TMED8: variants seen among roughly 807,000 people sequenced by gnomAD.
TMED8 encodes transmembrane p24 trafficking protein family member 8, also known as protein TMED8.
In TMED8, 15 loss-of-function variants were observed where a neutral mutation model predicts 32.7. The ratio of observed to expected loss-of-function variants is 0.46; its 90% CI spans 0.31 to 0.71. The LOEUF is 0.71. Among genes scored for constraint, TMED8 ranks in the 30% least tolerant of loss-of-function variants. The probability of loss-of-function intolerance (pLI) is 0.06; values close to 1 mark genes in which losing one functional copy is unlikely to be tolerated. For synonymous variants in TMED8, 147 were observed against 161.4 expected (o/e 0.91, Z 0.68); for missense variants, 390 against 423.9 (o/e 0.92, Z 0.70).
intron 3 of TMED8, among the ~76,000 whole-genome samples, chr14:77,345,691 C>A (rs1156994722): frequency 6.8e-6 from 1 of 147,200 alleles, no homozygotes; most frequent in African/African-American, 2.5e-5. Context: ...AAATCAAGGC[C>A]AGGCACAGTG....
intron 1 of TMED8, among the ~76,000 whole-genome samples, chr14:77,372,101 G>A (rs78185183): frequency 0.028 from 4,313 of 152,184 alleles, 206 homozygotes; most frequent in African/African-American, 0.099. Context: ...CTCAGTGGCC[G>A]AAATCTCGGA....
chr14:77,344,514 T>C (rs1892982725), intron 3 of TMED8, among the ~76,000 whole-genome samples: 1 of 152,242 alleles, frequency 6.6e-6, no homozygotes, highest in Non-Finnish European at 1.5e-5. Flanking sequence ...GCAAATGGCA[T>C]TTGATACTCA....
At position 77,343,698 on chromosome 14, in the gene TMED8, T is replaced by G; in HGVS notation, c.453A>C (p.Lys151Asn). ...ESADLLGDHR[K>N]VSPPLMAPPC... ...CTCCTTTACTCCCAAAGGTCTCACC[T>G]TTCCTGTGGTCCCCCAGAAGATCTG... The change falls in exon 4 of 6, where the codon AAA becomes AAC. Residue 151 changes from lysine to asparagine, a missense_variant and splice_region_variant. Coordinates refer to ENST00000216468, the MANE Select transcript of TMED8 (RefSeq NM_213601.3). 6.2e-7 allele frequency: 1 copy of G among 1,614,178 alleles called. No homozygotes were observed. Among genetic ancestry groups the G allele is most frequent in the Non-Finnish European group, 8.5e-7 (1 of 1,180,016 alleles).
chr14:77,368,291 G>A (rs560086363), intron 1 of TMED8, among the ~76,000 whole-genome samples: 13 of 152,180 alleles, frequency 8.5e-5, no homozygotes, highest in African/African-American at 2.9e-4. Flanking sequence ...CATTACTCTG[G>A]ACCTTCTCTG....
rs1209442383 is a variant in TMED8 at position 77,337,107 on chromosome 14, T to G, written c.*4664A>C. The G allele has an allele frequency of 6.6e-6, 1 of 152,234 alleles. No individual in the cohort carries two copies. Among genetic ancestry groups the G allele is most frequent in the East Asian group, 1.9e-4 (1 of 5,196 alleles). 9.4% of individuals were successfully genotyped at this position (152,234 alleles called of 1,614,324 possible). A position where few individuals can be genotyped will look rare whatever the true frequency, so the allele number is the denominator to read the frequency against. On this transcript the variant is annotated 3_prime_UTR_variant, in exon 6 of 6. Transcript: ENST00000216468. Reference sequence around the variant, plus strand: ...TAACAAAAATATTTTTTAAAGTGCATGTATCAATTCATTAAGAAAAAAATA... The same window carrying G: ...TAACAAAAATATTTTTTAAAGTGCAGGTATCAATTCATTAAGAAAAAAATA...
chr14:77,345,646 G>A lies in TMED8; in HGVS notation c.327+703C>T, dbSNP rs139215730. On this transcript the variant is annotated intron_variant, in intron 3 of 5. Coordinates refer to ENST00000216468, the MANE Select transcript of TMED8 (RefSeq NM_213601.3). ...TCGCACTGAAGCCGGGTGACAGAGTGAGACCTTTGTCTCAAAAAAAAAAAA... is the reference window on the plus strand; with the variant it reads ...TCGCACTGAAGCCGGGTGACAGAGTAAGACCTTTGTCTCAAAAAAAAAAAA... Among the ~76,000 whole-genome samples, 263 of 131,902 alleles carry A rather than the reference G, an allele frequency of 2.0e-3. 1 individual carries two copies. Among genetic ancestry groups the A allele is most frequent in the Middle Eastern group, 4.0e-3 (1 of 248 alleles). 86.5% of individuals were successfully genotyped at this position (131,902 alleles called of 152,430 possible).
intron 1 of TMED8, among the ~76,000 whole-genome samples, chr14:77,363,466 T>C (rs994096922): frequency 6.6e-6 from 1 of 152,022 alleles, no homozygotes; most frequent in Non-Finnish European, 1.5e-5. Context: ...GCAAAAGCAG[T>C]TCTAAGAAGA....
In TMED8 at chr14:77,335,495, C is replaced by A. The variant is rs1328241287; in HGVS notation, c.*6276G>T. 2.6e-5 allele frequency: 4 copies of A among 152,200 alleles called. No individual in the cohort carries two copies. Among genetic ancestry groups the A allele is most frequent in the Non-Finnish European group, 5.9e-5 (4 of 68,028 alleles). 9.4% of individuals were successfully genotyped at this position (152,200 alleles called of 1,614,324 possible). ...CTTTGTAGTTGCCAATTGCTTAAAT[C>A]TTTACGAAGAAAACATGATCATCTT... On this transcript the variant is annotated 3_prime_UTR_variant, in exon 6 of 6. Coordinates refer to ENST00000216468, the MANE Select transcript of TMED8 (RefSeq NM_213601.3).
intron 2 of TMED8, among the ~76,000 whole-genome samples, chr14:77,351,343 A>G (rs577673227): frequency 1.3e-3 from 185 of 147,002 alleles, no homozygotes; most frequent in African/African-American, 4.3e-3. Context: ...AAAATTAGCC[A>G]GGCGTGGTGG....
chr14:77,367,003 G>T (rs1893565430), intron 1 of TMED8, among the ~76,000 whole-genome samples: 1 of 152,040 alleles, frequency 6.6e-6, no homozygotes, highest in Non-Finnish European at 1.5e-5. Context: ...CCAGCACTTT[G>T]GGAGCCCGAG....
At chr14:77,365,611 T>C (rs755490174) in intron 1 of TMED8, among the ~76,000 whole-genome samples, 19 of 152,184 alleles carry the variant, frequency 1.2e-4, no homozygotes, top group Non-Finnish European at 2.6e-4. Flanking sequence ...ACTGCACCAA[T>C]GCAGAGAGAT....
At chr14:77,374,468 G>A (rs1230814843) in intron 1 of TMED8, among the ~76,000 whole-genome samples, 2 of 152,220 alleles carry the variant, frequency 1.3e-5, no homozygotes, top group Non-Finnish European at 2.9e-5. Flanking sequence ...CTCACTAGAT[G>A]TCAGCAATAG....
chr14:77,335,919 TGA>T lies in TMED8; in HGVS notation c.*5850_*5851del, dbSNP rs1892750112. The T allele has an allele frequency of 6.6e-6, 1 of 152,216 alleles. No individual in the cohort carries two copies. The highest frequency in any genetic ancestry group is 2.4e-5 in the African/African-American group (1 of 41,460). The allele number at this position is 152,216 out of a possible 1,614,324, so 9.4% of individuals were successfully genotyped here. A position where few individuals can be genotyped will look rare whatever the true frequency, so the allele number is the denominator to read the frequency against. On this transcript the variant is annotated 3_prime_UTR_variant, in exon 6 of 6. Coordinates refer to ENST00000216468, the MANE Select transcript of TMED8 (RefSeq NM_213601.3). The stretch of plus-strand genomic sequence containing the variant: ...TTAGTAAAATGTACTGTTTAGGATA[TGA>T]GAGACGGAATTAAGATAATGTTTTC...
chr14:77,362,511 C>T (rs1893462488), intron 1 of TMED8, among the ~76,000 whole-genome samples: 1 of 151,994 alleles, frequency 6.6e-6, no homozygotes, highest in Non-Finnish European at 1.5e-5. Context: ...GGAATCAAAG[C>T]TCAGCATTAT....
rs2139593831 is a variant in TMED8 at position 77,336,535 on chromosome 14, T to G, written c.*5236A>C. ...CAAACAGGAGGGGCTTTGTTTAGCCTTCTTGGTTTAGGCAGGGACAATGCA... is the reference window on the plus strand; with the variant it reads ...CAAACAGGAGGGGCTTTGTTTAGCCGTCTTGGTTTAGGCAGGGACAATGCA... On this transcript the variant is annotated 3_prime_UTR_variant, in exon 6 of 6. Coordinates refer to ENST00000216468, the MANE Select transcript of TMED8 (RefSeq NM_213601.3). The G allele has an allele frequency of 6.6e-6, 1 of 152,292 alleles. No individual in the cohort carries two copies. The highest frequency in any genetic ancestry group is 2.4e-5 in the African/African-American group (1 of 41,548). 9.4% of individuals were successfully genotyped at this position (152,292 alleles called of 1,614,324 possible). A position where few individuals can be genotyped will look rare whatever the true frequency, so the allele number is the denominator to read the frequency against.
chr14:77,363,965 G>A (rs1893494769), intron 1 of TMED8, among the ~76,000 whole-genome samples: 2 of 152,106 alleles, frequency 1.3e-5, no homozygotes, highest in Non-Finnish European at 2.9e-5. Context: ...TTTTGCTAGT[G>A]TATCTTTGGG....
rs554972827 is a variant in TMED8, at chr14:77,342,672, G to C, written c.760+506C>G. Among the ~76,000 whole-genome samples the C allele has an allele frequency of 2.0e-5, 3 of 152,324 alleles. No individual in the cohort carries two copies. The South Asian group carries it at 6.2e-4, about 32-fold the overall frequency. On this transcript the variant is annotated intron_variant, in intron 5 of 5. Transcript: ENST00000216468. ...GTGTAGACACTACAAATAACAGCCG[G>C]AATGGAGCCCGGAGACCCTTTTAAA...
rs1289143495 is a variant in TMED8 at position 77,337,591 on chromosome 14, A to C, written c.*4180T>G. ...TTTTTAGTAGCGACGGAGTTTCACT[A>C]TGTTGGCCAGGCTGGTCTCGAACTC... On this transcript the variant is annotated 3_prime_UTR_variant, in exon 6 of 6. Transcript: ENST00000216468. 1 of 152,164 alleles carries C rather than the reference A, an allele frequency of 6.6e-6. No homozygotes were observed. 9.4% of individuals were successfully genotyped at this position (152,164 alleles called of 1,614,324 possible).
In TMED8 at chr14:77,341,896, G is replaced by T; in HGVS notation, c.853C>A (p.His285Asn). Residue 285 changes from histidine (H) to asparagine (N), a missense_variant, in exon 6 of 6, where the codon CAC (histidine) becomes AAC (asparagine). His to Asn is a moderately conservative substitution (Grantham distance 68, BLOSUM62 1). Transcript: ENST00000216468. ...EVMPVYRRDS[H>N]RDVQAGSHDY... ...TGGCTGCCAGCCTGCACGTCTCGGT[G>T]GCTGTCCCGCCGGTACACAGGCATG... 1 of 1,613,930 alleles carries T rather than the reference G, an allele frequency of 6.2e-7. No individual in the cohort carries two copies. The highest frequency in any genetic ancestry group is 8.5e-7 in the Non-Finnish European group (1 of 1,180,010).
Sources: gnomAD v4.1 joint callset for allele counts (sites outside exome capture counted in the v4.1 genomes callset) on GRCh38, gnomAD v4.1.1 for gene constraint, MANE v1.5 for transcripts, NCBI Gene and HGNC (gene_info 2026-07-23, HGNC 2026-07-21) for gene names.